The following UNC13C variants were observed in gnomAD, a reference collection of about 807,000 sequenced individuals.
The protein encoded by UNC13C is unc-13 homolog C, also known as protein unc-13 homolog C.
In UNC13C, 174 loss-of-function variants were observed where a neutral mutation model predicts 245.4. The observed-to-expected ratio is 0.71, with a 90% CI of 0.63 to 0.80. The LOEUF is 0.80. Among genes scored for constraint, UNC13C ranks in the 30% least tolerant of loss-of-function variants. UNC13C has a pLI of 0.00. For synonymous variants in UNC13C, 992 were observed against 895.1 expected (o/e 1.11, Z -1.93); for missense variants, 2,829 against 2,602.9 (o/e 1.09, Z -1.89).
At chr15:54,123,818 C>T (rs1197895462) in intron 2 of UNC13C, among the ~76,000 whole-genome samples, 3 of 152,164 alleles carry the variant, frequency 2.0e-5, no homozygotes, top group Admixed American at 6.5e-5. Flanking sequence ...AAAGCTCTCT[C>T]CCTGGTTCTG....
chr15:53,888,634 T>C, the UNC13C span, among the ~76,000 whole-genome samples: 13 of 152,214 alleles, frequency 8.5e-5, no homozygotes, highest in Non-Finnish European at 5.9e-5. Flanking sequence ...CATGCCTATG[T>C]CCTGAATGGC....
chr15:53,906,071 C>T, the UNC13C span, among the ~76,000 whole-genome samples: 384 of 152,258 alleles, frequency 2.5e-3, no homozygotes, highest in Non-Finnish European at 4.5e-3. Context: ...CAGTGGCTCA[C>T]ATCTGTAATC....
rs1034747345 is a variant in UNC13C, at chr15:54,066,465, A to G, written c.2983+50579A>G. ...TTTGTTTTTTCAGACTTGGAAATCCATGGTCAAATTCAATATCATCTGTGC... is the reference window on the plus strand; with the variant it reads ...TTTGTTTTTTCAGACTTGGAAATCCGTGGTCAAATTCAATATCATCTGTGC... On this transcript the variant is annotated intron_variant, in intron 2 of 32. Transcript: ENST00000260323. Among the ~76,000 whole-genome samples the G allele has an allele frequency of 4.6e-5, 7 of 152,276 alleles. No homozygotes were observed. In the East Asian group the frequency reaches 9.7e-4, roughly 21 times the overall value.
intron 26 of UNC13C, among the ~76,000 whole-genome samples, chr15:54,545,453 C>G (rs764557217): frequency 9.2e-5 from 14 of 152,120 alleles, no homozygotes; most frequent in Non-Finnish European, 1.6e-4. Context: ...CAAATGGGAT[C>G]TAATTAAACT....
intron 17 of UNC13C, among the ~76,000 whole-genome samples, chr15:54,386,575 G>C (rs779167119): frequency 6.6e-6 from 1 of 152,128 alleles, no homozygotes. Context: ...TAAGGAAGCT[G>C]GCAGCCATTG....
intron 19 of UNC13C, among the ~76,000 whole-genome samples, chr15:54,477,689 T>G (rs960743011): frequency 2.1e-5 from 3 of 140,288 alleles, no homozygotes; most frequent in Non-Finnish European, 4.6e-5. Context: ...AGCTTTTTGA[T>G]GTGCTACTGG....
intron 4 of UNC13C, among the ~76,000 whole-genome samples, chr15:54,144,329 TG>T (rs1373713113): frequency 1.4e-3 from 16 of 11,780 alleles, no homozygotes; most frequent in Non-Finnish European, 1.7e-3. Flanking sequence ...TTTTGCATCG[TG>T]GTTTTTTTTT....
chr15:54,005,430 G>T (rs1393658047), intron 1 of UNC13C, among the ~76,000 whole-genome samples: 3 of 152,122 alleles, frequency 2.0e-5, no homozygotes, highest in Non-Finnish European at 4.4e-5. Context: ...CTTTGGACTA[G>T]ATACTCAGGC....
chr15:54,363,201 T>C (rs2039276722), intron 17 of UNC13C, among the ~76,000 whole-genome samples: 1 of 152,204 alleles, frequency 6.6e-6, no homozygotes, highest in South Asian at 2.1e-4. Flanking sequence ...CTCTGCCTCC[T>C]GGGTTCAAGT....
intron 30 of UNC13C, among the ~76,000 whole-genome samples, chr15:54,599,314 C>T (rs1419546481): frequency 6.6e-6 from 1 of 152,056 alleles, no homozygotes; most frequent in African/African-American, 2.4e-5. Context: ...GGGTTTATGC[C>T]AGCTTCAGAG....
At chr15:54,580,500 A>G (rs1898150930) in intron 30 of UNC13C, among the ~76,000 whole-genome samples, 1 of 152,232 alleles carries the variant, frequency 6.6e-6, no homozygotes, top group African/African-American at 2.4e-5. Context: ...GGCATGGCCC[A>G]AGCATGTGCT....
intron 19 of UNC13C, among the ~76,000 whole-genome samples, chr15:54,456,983 T>C (rs12441633): frequency 0.41 from 62,197 of 151,536 alleles, 12,985 homozygotes; most frequent in East Asian, 0.62. Context: ...GCTTTCAACT[T>C]TTCCATGTTC....
At chr15:54,143,534 C>A in intron 3 of UNC13C, 86 bp from the exon 4 acceptor site, 1 of 1,046,450 alleles carries the variant, frequency 9.6e-7, no homozygotes, top group Non-Finnish European at 1.4e-6. Context: ...TGTAGTGCAG[C>A]TGACCTGTGT....
chr15:54,192,004 A>C (rs527542322), intron 4 of UNC13C, among the ~76,000 whole-genome samples: 1 of 151,912 alleles, frequency 6.6e-6, no homozygotes, highest in African/African-American at 2.4e-5. Context: ...TAGGTTGCCT[A>C]TCCACTCTGA....
intron 30 of UNC13C, among the ~76,000 whole-genome samples, chr15:54,580,528 C>T (rs1898153299): frequency 1.3e-5 from 2 of 152,328 alleles, no homozygotes; most frequent in East Asian, 1.9e-4. Context: ...TGCCTGGCTG[C>T]AAGACCTGGG....
At chr15:53,919,413 T>A in the UNC13C span, among the ~76,000 whole-genome samples, 1 of 152,074 alleles carries the variant, frequency 6.6e-6, no homozygotes, top group Non-Finnish European at 1.5e-5. Context: ...GCTCTTAGGG[T>A]AGAGCTCACC....
At chr15:54,072,040 C>T (rs1291017257) in intron 2 of UNC13C, among the ~76,000 whole-genome samples, 1 of 152,116 alleles carries the variant, frequency 6.6e-6, no homozygotes, top group Non-Finnish European at 1.5e-5. Context: ...TCTGGGACAT[C>T]CCTCCTTCTC....
the UNC13C span, among the ~76,000 whole-genome samples, chr15:53,923,388 T>C: frequency 1.3e-5 from 2 of 152,252 alleles, no homozygotes; most frequent in South Asian, 4.1e-4. Flanking sequence ...TCTGTGTATC[T>C]GTCAGTGAAT....
At chr15:54,473,038 C>T (rs928947485) in intron 19 of UNC13C, among the ~76,000 whole-genome samples, 1 of 151,620 alleles carries the variant, frequency 6.6e-6, no homozygotes, top group African/African-American at 2.4e-5. Context: ...CTAGTACTCC[C>T]CAGTGTCTGT....
Sources: allele counts gnomAD v4.1 joint callset (sites outside exome capture counted in the v4.1 genomes callset), GRCh38; gene constraint gnomAD v4.1.1; transcripts MANE v1.5; gene names NCBI Gene and HGNC (gene_info 2026-07-23, HGNC 2026-07-21).